The following ANKRD55 variants were observed in gnomAD, a reference collection of about 807,000 sequenced individuals.
ANKRD55 encodes the protein ankyrin repeat domain-containing protein 55.
In ANKRD55, 41 loss-of-function variants were observed where a neutral mutation model predicts 60.6. The ratio of observed to expected loss-of-function variants is 0.68; its 90% CI spans 0.53 to 0.88. The LOEUF (loss-of-function observed/expected upper bound fraction) is 0.88. Ranked by LOEUF, ANKRD55 falls within the 40% of genes least tolerant of loss-of-function variation. ANKRD55 has a pLI of 0.00. For missense variants in ANKRD55, 732 were observed against 767.6 expected (o/e 0.95, Z 0.55); for synonymous variants, 264 against 290.3 (o/e 0.91, Z 0.92).
At chr5:56,109,166 T>A (rs1756592273) in intron 10 of ANKRD55, among the ~76,000 whole-genome samples, 1 of 152,130 alleles carries the variant, frequency 6.6e-6, no homozygotes, top group South Asian at 2.1e-4. Context: ...AAATAAATTA[T>A]TTTTTCTCTT....
At position 56,120,631 on chromosome 5, in the gene ANKRD55, G is replaced by A. The variant is rs1378808126; in HGVS notation, c.798-3849C>T. 2.0e-5 allele frequency among the ~76,000 whole-genome samples: 3 copies of A among 152,288 alleles called. No individual in the cohort carries two copies. In the East Asian group the frequency reaches 5.8e-4, roughly 29 times the overall value. On this transcript the variant is annotated intron_variant, in intron 8 of 11. Coordinates refer to ENST00000341048, the MANE Select transcript of ANKRD55 (RefSeq NM_024669.3). Reference sequence around the variant, plus strand: ...ACGAGGTGGGACAGCTGGGCATGGTGGCTCACACCTGTAATCCCACCACTT... The same window carrying A: ...ACGAGGTGGGACAGCTGGGCATGGTAGCTCACACCTGTAATCCCACCACTT...
chr5:56,219,566 A>G (rs1322501853), intron 2 of ANKRD55, among the ~76,000 whole-genome samples: 2 of 152,244 alleles, frequency 1.3e-5, no homozygotes. Flanking sequence ...CATGACTTTA[A>G]AAGATATATC....
At chr5:56,139,246 T>C (rs894365715) in intron 7 of ANKRD55, among the ~76,000 whole-genome samples, 1 of 152,112 alleles carries the variant, frequency 6.6e-6, no homozygotes, top group Non-Finnish European at 1.5e-5. Flanking sequence ...TGGCCTGAGA[T>C]GAATAAATTT....
Position 56,183,616 on chromosome 5 carries a change from A to C in ANKRD55, c.77T>G (p.Val26Gly), listed in dbSNP as rs146577911. The C allele has an allele frequency of 1.2e-6, 2 of 1,614,186 alleles. No individual in the cohort carries two copies. The highest frequency in any genetic ancestry group is 1.7e-4 in the Middle Eastern group (1 of 6,060). ...TGCTTGATAAACCATGGTCAGGTCA[A>C]CTTCCTCAGATGAGTCACCTTCATG... ...DQQRGDSSEE[V>G]DLTMVYQAAS... Residue 26 changes from valine (V) to glycine (G), a missense_variant, in exon 3 of 12, where the codon GTT becomes GGT. By Grantham distance (109) the Val-to-Gly change is moderately radical. Around this residue, in one of 3 missense-constraint regions of ANKRD55, gnomAD observed 131 missense variants for 142.7 expected, o/e 0.92. Coordinates refer to ENST00000341048, the MANE Select transcript of ANKRD55 (RefSeq NM_024669.3).
chr5:56,163,011 G>A (rs1758369567), intron 5 of ANKRD55, among the ~76,000 whole-genome samples: 1 of 152,100 alleles, frequency 6.6e-6, no homozygotes, highest in African/African-American at 2.4e-5. Context: ...ACTTTCTCCA[G>A]TTGCCACCCT....
intron 2 of ANKRD55, among the ~76,000 whole-genome samples, chr5:56,194,205 A>G (rs1759176245): frequency 6.6e-6 from 1 of 151,938 alleles, no homozygotes; most frequent in Non-Finnish European, 1.5e-5. Context: ...AGTCCCAGCT[A>G]CTTGGCAGGC....
intron 6 of ANKRD55, among the ~76,000 whole-genome samples, chr5:56,148,021 T>C (rs1278931891): frequency 6.6e-6 from 1 of 152,246 alleles, no homozygotes; most frequent in Non-Finnish European, 1.5e-5. Flanking sequence ...AAATCACGAT[T>C]AAGCTGTGAT....
chr5:56,101,717 A>T, intron 11 of ANKRD55, among the ~76,000 whole-genome samples: 1 of 152,248 alleles, frequency 6.6e-6, no homozygotes, highest in East Asian at 1.9e-4. Context: ...TTAATATTTT[A>T]TATTAGGAGA....
intron 7 of ANKRD55, among the ~76,000 whole-genome samples, chr5:56,138,887 C>T (rs1757679837): frequency 6.6e-6 from 1 of 152,094 alleles, no homozygotes; most frequent in South Asian, 2.1e-4. Context: ...AGGTATTCCG[C>T]ATGATACTTT....
At chr5:56,170,369 G>T (rs1017832409) in intron 5 of ANKRD55, among the ~76,000 whole-genome samples, 1 of 152,054 alleles carries the variant, frequency 6.6e-6, no homozygotes, top group Non-Finnish European at 1.5e-5. Context: ...AACAGTCCTT[G>T]GTCCATAACA....
intron 2 of ANKRD55, among the ~76,000 whole-genome samples, chr5:56,215,151 T>C (rs1759772638): frequency 6.6e-6 from 1 of 152,150 alleles, no homozygotes; most frequent in Non-Finnish European, 1.5e-5. Context: ...TTCTGAACTC[T>C]CTTGGAGAAA....
chr5:56,115,214 T>TAATA (rs60123277), intron 9 of ANKRD55, among the ~76,000 whole-genome samples: 111,571 of 144,462 alleles, frequency 0.77, 44,325 homozygotes, highest in Non-Finnish European at 0.88. Flanking sequence ...ATAATAATAA[T>TAATA]AATAAATAAA....
At chr5:56,230,936 A>G (rs1354628918) in intron 2 of ANKRD55, among the ~76,000 whole-genome samples, 1 of 151,822 alleles carries the variant, frequency 6.6e-6, no homozygotes, top group Non-Finnish European at 1.5e-5. Flanking sequence ...ATGGGAAAAT[A>G]CTTATTGAAT....
At chr5:56,127,607 C>A in intron 7 of ANKRD55, 1 of 983,460 alleles carries the variant, frequency 1.0e-6, no homozygotes, top group Non-Finnish European at 1.2e-6. Flanking sequence ...GGCCAAGGAG[C>A]AGGGGGCTGA....
chr5:56,200,362 A>G (rs755947993), intron 2 of ANKRD55, among the ~76,000 whole-genome samples: 1 of 152,018 alleles, frequency 6.6e-6, no homozygotes, highest in Non-Finnish European at 1.5e-5. Flanking sequence ...ATTAATTTTT[A>G]CCTAAAAATT....
At chr5:56,148,737 G>A (rs1327602989) in intron 6 of ANKRD55, among the ~76,000 whole-genome samples, 4 of 151,386 alleles carry the variant, frequency 2.6e-5, no homozygotes, top group Non-Finnish European at 4.4e-5. Flanking sequence ...TTTCAGAACT[G>A]TACTTTTAGA....
intron 2 of ANKRD55, among the ~76,000 whole-genome samples, chr5:56,190,112 G>C (rs574513378): frequency 7.2e-4 from 110 of 152,256 alleles, no homozygotes; most frequent in African/African-American, 2.1e-3. Context: ...GTGCTTATTG[G>C]CTATAGGCAT....
intron 9 of ANKRD55, among the ~76,000 whole-genome samples, chr5:56,112,593 G>A (rs1172451261): frequency 2.6e-5 from 4 of 150,954 alleles, no homozygotes; most frequent in African/African-American, 9.7e-5. Flanking sequence ...AAGGTCGGGC[G>A]TGGCTGCAGA....
chr5:56,231,306 G>A (rs972178415), intron 2 of ANKRD55, among the ~76,000 whole-genome samples: 3 of 152,164 alleles, frequency 2.0e-5, no homozygotes. Flanking sequence ...AAGAAAATCA[G>A]TCTTGTAATT....
Sources: allele counts gnomAD v4.1 joint callset (sites outside exome capture counted in the v4.1 genomes callset), GRCh38; gene constraint gnomAD v4.1.1; regional missense constraint gnomAD v4.1.1; transcripts MANE v1.5; gene names NCBI Gene and HGNC (gene_info 2026-07-23, HGNC 2026-07-21).